NEDD4: variants seen among roughly 807,000 people sequenced by gnomAD.
The protein encoded by NEDD4 is E3 ubiquitin-protein ligase NEDD4.
In NEDD4, 99 loss-of-function variants were observed where a neutral mutation model predicts 144.9. The ratio of observed to expected loss-of-function variants is 0.68; its 90% confidence interval spans 0.58 to 0.81. NEDD4 has a LOEUF of 0.81. Ranked by LOEUF, NEDD4 falls within the 30% of genes least tolerant of loss-of-function variation. The pLI is 0.00. For missense variants in NEDD4, 985 were observed against 1,065.9 expected (o/e 0.92, Z 1.06); for synonymous variants, 318 against 350.6 (o/e 0.91, Z 1.04).
At chr15:55,840,780 A>C in intron 19 of NEDD4, 53 bp from the exon 20 acceptor site, 1 of 1,509,458 alleles carries the variant, frequency 6.6e-7, no homozygotes, top group Middle Eastern at 1.7e-4. Context: ...TAATATGACA[A>C]ATAATTACAA....
At chr15:55,972,179 T>C (rs1379112602) in intron 1 of NEDD4, among the ~76,000 whole-genome samples, 1 of 152,212 alleles carries the variant, frequency 6.6e-6, no homozygotes, top group Non-Finnish European at 1.5e-5. Context: ...AGAAATCATC[T>C]GAAGGTACAA....
At chr15:55,876,862 TTTTTTTC>T (rs2035012439) in intron 5 of NEDD4, among the ~76,000 whole-genome samples, 1 of 152,072 alleles carries the variant, frequency 6.6e-6, no homozygotes, top group Non-Finnish European at 1.5e-5. Context: ...TTTTTCACTT[TTTTTTTC>T]TTTTTTCTTT....
intron 5 of NEDD4, chr15:55,916,795 T>C (rs1177832509): frequency 1.2e-6 from 2 of 1,609,248 alleles, no homozygotes; most frequent in Non-Finnish European, 1.7e-6. Context: ...GTATTGCTTC[T>C]TCTGGCTGCA....
intron 11 of NEDD4, among the ~76,000 whole-genome samples, chr15:55,858,170 C>T (rs1187034820): frequency 6.6e-6 from 1 of 152,192 alleles, no homozygotes; most frequent in East Asian, 1.9e-4. Context: ...CATATACACT[C>T]GAGCCCACCT....
At position 55,829,965 on chromosome 15, in the gene NEDD4, A is replaced by G; in HGVS notation, c.2635T>C (p.Phe879Leu). The G allele has an allele frequency of 2.5e-6, 4 of 1,613,704 alleles. No homozygotes were observed. The highest frequency in any genetic ancestry group is 3.4e-6 in the Non-Finnish European group (4 of 1,179,840). ...NRLDLPPYES[F>L]EELWDKLQMA... ...TGAAGTTTATCCCATAATTCTTCAA[A>G]TGATTCATAAGGTGGCAAGTCCAGG... is the stretch of plus-strand genomic sequence containing the variant. The change falls in exon 29 of 29, where the codon TTT becomes CTT. Residue 879 changes from phenylalanine to leucine, a missense_variant. Coordinates refer to ENST00000435532, the MANE Select transcript of NEDD4 (RefSeq NM_006154.4).
chr15:55,839,366 T>C (rs2033361505), intron 21 of NEDD4, among the ~76,000 whole-genome samples: 1 of 152,086 alleles, frequency 6.6e-6, no homozygotes, highest in African/African-American at 2.4e-5. Flanking sequence ...GAGGAGGCCA[T>C]TGTTTATACC....
At chr15:55,917,189 A>G in intron 5 of NEDD4, 2 of 1,004,988 alleles carry the variant, frequency 2.0e-6, no homozygotes, top group Non-Finnish European at 2.4e-6. Context: ...ATTTGCATGA[A>G]TGAGTAACAC....
intron 5 of NEDD4, among the ~76,000 whole-genome samples, chr15:55,904,893 G>C (rs1214188976): frequency 2.0e-5 from 3 of 151,982 alleles, no homozygotes; most frequent in Non-Finnish European, 4.4e-5. Flanking sequence ...GGGAGTTTGA[G>C]ACTAGCCTGA....
intron 5 of NEDD4, chr15:55,915,898 CATCCTCATTATGTGCA>C: frequency 6.2e-7 from 1 of 1,613,960 alleles, no homozygotes; most frequent in Non-Finnish European, 8.5e-7. Flanking sequence ...GCACTAGTGC[CATCCTCATTATGTGCA>C]ATTTCACTAG....
rs1297586481 is a variant in NEDD4 at position 55,966,473 on chromosome 15, C to G, written c.119G>C (p.Ser40Thr). ...TTATAATCCAAATAGATATACTTAC[C>G]TAGCTCCCAATATATCCTTCTTGGC... Reference protein sequence around the residue: ...GLAKKDILGASDPYVRVTLYD... With the variant: ...GLAKKDILGATDPYVRVTLYD... Residue 40 changes from serine (S) to threonine (T), a missense_variant and splice_region_variant, in exon 2 of 29, where the codon AGT becomes ACT. Ser to Thr is a moderately conservative substitution (Grantham distance 58). Transcript: ENST00000435532. 1 of 1,507,730 alleles carries G rather than the reference C, an allele frequency of 6.6e-7. No individual in the cohort carries two copies. Among genetic ancestry groups the G allele is most frequent in the Admixed American group, 2.2e-5 (1 of 44,770 alleles). 93.4% of individuals were successfully genotyped at this position (1,507,730 alleles called of 1,614,324 possible).
chr15:55,899,241 C>A (rs1259439762), intron 5 of NEDD4, among the ~76,000 whole-genome samples: 1 of 152,056 alleles, frequency 6.6e-6, no homozygotes, highest in African/African-American at 2.4e-5. Flanking sequence ...TATGTAGTGG[C>A]AGAATAAAAT....
At chr15:55,891,543 T>C (rs1171272323) in intron 5 of NEDD4, among the ~76,000 whole-genome samples, 1 of 152,232 alleles carries the variant, frequency 6.6e-6, no homozygotes, top group Non-Finnish European at 1.5e-5. Flanking sequence ...ATATTTGAAC[T>C]GCATGCAGCC....
intron 7 of NEDD4, among the ~76,000 whole-genome samples, chr15:55,870,741 C>T (rs897631879): frequency 7.9e-5 from 12 of 151,854 alleles, no homozygotes; most frequent in Non-Finnish European, 1.8e-4. Context: ...TGCCATGTTG[C>T]CCAGGCTGGT....
At chr15:55,852,925 T>C (rs1217403216) in intron 12 of NEDD4, among the ~76,000 whole-genome samples, 2 of 152,016 alleles carry the variant, frequency 1.3e-5, no homozygotes, top group East Asian at 1.9e-4. Flanking sequence ...AATTTTTTTA[T>C]TTTTAGTATC....
chr15:55,947,961 G>T (rs1396960329), intron 4 of NEDD4, among the ~76,000 whole-genome samples: 33 of 152,214 alleles, frequency 2.2e-4, no homozygotes, highest in Non-Finnish European at 4.0e-4. Context: ...GGGCAATCAG[G>T]CAGGAAAAAG....
intron 24 of NEDD4, among the ~76,000 whole-genome samples, chr15:55,835,421 T>G (rs79634122): frequency 5.9e-5 from 2 of 33,984 alleles, no homozygotes; most frequent in African/African-American, 1.4e-4. Flanking sequence ...TCCTGTTCTG[T>G]TTTTTTTTTT....
chr15:55,945,589 G>A (rs1228452670), intron 4 of NEDD4, among the ~76,000 whole-genome samples: 1 of 152,104 alleles, frequency 6.6e-6, no homozygotes, highest in Non-Finnish European at 1.5e-5. Flanking sequence ...ACACTCTACA[G>A]GATAATATCA....
At chr15:55,971,264 TA>T (rs1472217453) in intron 1 of NEDD4, among the ~76,000 whole-genome samples, 6 of 151,506 alleles carry the variant, frequency 4.0e-5, no homozygotes, top group Admixed American at 6.6e-5. Context: ...GGTGTAAAAA[TA>T]AAAAAAGAAT....
intron 5 of NEDD4, among the ~76,000 whole-genome samples, chr15:55,881,872 T>C (rs1387841899): frequency 6.6e-6 from 1 of 152,126 alleles, no homozygotes; most frequent in African/African-American, 2.4e-5. Context: ...GGGGGCTGTC[T>C]TGTGCATTGA....
Sources: allele counts gnomAD v4.1 joint callset (sites outside exome capture counted in the v4.1 genomes callset), GRCh38; gene constraint gnomAD v4.1.1; transcripts MANE v1.5; gene names NCBI Gene and HGNC (gene_info 2026-07-23, HGNC 2026-07-21).